LARP4: variants seen among roughly 807,000 people sequenced by gnomAD.
LARP4 encodes the protein la-related protein 4.
A neutral mutation model predicts 92.9 loss-of-function variants in LARP4; 29 were observed. That is an observed-to-expected ratio of 0.31 (90% CI 0.23 to 0.43). The LOEUF is 0.43. Ranked by LOEUF, LARP4 falls within the 20% of genes least tolerant of loss-of-function variation. The pLI, the probability that LARP4 is intolerant of heterozygous loss-of-function variation, is 1.00. For missense variants in LARP4, 732 were observed against 860.0 expected, an observed-to-expected ratio of 0.85 and a Z score of 1.86; for synonymous variants, 279 against 284.1, an observed-to-expected ratio of 0.98 and a Z score of 0.18.
chr12:50,479,177 G>A lies in LARP4; in HGVS notation c.*3313G>A, dbSNP rs1301183097. ...TATGGCCTTAATAATTAGTCTCTTG[G>A]CTTAAATGTCCACTGGTTTTACTTT... On this transcript the variant is annotated 3_prime_UTR_variant, in exon 16 of 16. Transcript: ENST00000398473. The A allele has an allele frequency of 1.3e-5, 2 of 152,476 alleles. No homozygotes were observed. Among genetic ancestry groups the A allele is most frequent in the African/African-American group, 2.4e-5 (1 of 41,412 alleles). The allele number at this position is 152,476 out of a possible 1,614,324, so 9.4% of individuals were successfully genotyped here. A position where few individuals can be genotyped will look rare whatever the true frequency, so the allele number is the denominator to read the frequency against.
At chr12:50,417,439 C>G (rs1307427302) in intron 1 of LARP4, among the ~76,000 whole-genome samples, 2 of 151,952 alleles carry the variant, frequency 1.3e-5, no homozygotes, top group Non-Finnish European at 2.9e-5. Context: ...CTTGATACTT[C>G]TCCTGGTGGG....
intron 1 of LARP4, among the ~76,000 whole-genome samples, chr12:50,427,274 G>A (rs1236749482): frequency 1.3e-5 from 2 of 152,068 alleles, no homozygotes; most frequent in African/African-American, 2.4e-5. Flanking sequence ...ATTTGCTGTA[G>A]ATGAAAAAAT....
At chr12:50,405,656 T>C (rs1944689578) in intron 1 of LARP4, among the ~76,000 whole-genome samples, 1 of 151,968 alleles carries the variant, frequency 6.6e-6, no homozygotes, top group African/African-American at 2.4e-5. Flanking sequence ...AATTTTTGTT[T>C]AAATAAAAAA....
intron 1 of LARP4, among the ~76,000 whole-genome samples, chr12:50,417,038 T>C (rs575751961): frequency 1.3e-5 from 2 of 152,146 alleles, no homozygotes; most frequent in East Asian, 1.9e-4. Flanking sequence ...TTAAAAACTT[T>C]GATGAGATAC....
At chr12:50,436,910 T>C (rs545308420) in intron 5 of LARP4, among the ~76,000 whole-genome samples, 3 of 152,158 alleles carry the variant, frequency 2.0e-5, no homozygotes, top group African/African-American at 7.2e-5. Flanking sequence ...TACAAACATT[T>C]ATGGAACATT....
chr12:50,446,369 C>G (rs1952089001), intron 8 of LARP4, among the ~76,000 whole-genome samples: 3 of 2,664 alleles, frequency 1.1e-3, no homozygotes, highest in Non-Finnish European at 1.3e-3. Flanking sequence ...CTCTCTCTCT[C>G]TCTCTCTCTC....
chr12:50,402,841 C>A, intron 1 of LARP4: 1 of 453,416 alleles, frequency 2.2e-6, no homozygotes, highest in Non-Finnish European at 4.4e-6. Flanking sequence ...GTATCTCTCG[C>A]CAAACTAGTG....
intron 1 of LARP4, among the ~76,000 whole-genome samples, chr12:50,417,824 G>C (rs575902850): frequency 6.6e-6 from 1 of 152,026 alleles, no homozygotes; most frequent in East Asian, 1.9e-4. Context: ...CTCCCAAGTG[G>C]CTGGGACTAC....
At chr12:50,433,854 A>T (rs1419499016) in intron 4 of LARP4, among the ~76,000 whole-genome samples, 2 of 151,988 alleles carry the variant, frequency 1.3e-5, no homozygotes, top group Admixed American at 1.3e-4. Context: ...TGGCTAGGCT[A>T]ATCTCAAACT....
At chr12:50,434,987 G>T (rs1950208652) in intron 4 of LARP4, among the ~76,000 whole-genome samples, 3 of 152,220 alleles carry the variant, frequency 2.0e-5, no homozygotes, top group Non-Finnish European at 4.4e-5. Flanking sequence ...GGCAGAGCTT[G>T]CAGTGAGTCG....
intron 1 of LARP4, among the ~76,000 whole-genome samples, chr12:50,424,959 C>T (rs1453474676): frequency 2.0e-5 from 3 of 151,788 alleles, no homozygotes; most frequent in Admixed American, 1.3e-4. Context: ...CCAACCTGAC[C>T]AACATGGTGA....
intron 13 of LARP4, among the ~76,000 whole-genome samples, chr12:50,471,771 C>CCTCG (rs1446913916): frequency 1.3e-5 from 2 of 152,214 alleles, no homozygotes; most frequent in African/African-American, 4.8e-5. Context: ...GATCCACCCA[C>CCTCG]CTCGGCCTCC....
At chr12:50,456,182 C>T (rs939092842) in intron 10 of LARP4, among the ~76,000 whole-genome samples, 2 of 152,184 alleles carry the variant, frequency 1.3e-5, no homozygotes, top group East Asian at 1.9e-4. Context: ...ACCTTTTATC[C>T]GTTGCATCTT....
At chr12:50,434,464 A>G (rs1025705581) in intron 4 of LARP4, among the ~76,000 whole-genome samples, 6 of 149,692 alleles carry the variant, frequency 4.0e-5, no homozygotes, top group African/African-American at 1.5e-4. Context: ...TGTTGCCCCA[A>G]CTGGAGTGCA....
At position 50,477,565 on chromosome 12, in the gene LARP4, T is replaced by C. The variant is rs1957621919; in HGVS notation, c.*1701T>C. On this transcript the variant is annotated 3_prime_UTR_variant, in exon 16 of 16. Transcript: ENST00000398473. ...CATCTTCCAACTCTAAGTTAAGCTT[T>C]GGAGATACATGTTAGTGGTTAACTG... 2.0e-5 allele frequency: 3 copies of C among 152,682 alleles called. No homozygotes were observed. In the South Asian group the frequency reaches 6.2e-4, roughly 32 times the overall value. The allele number at this position is 152,682 out of a possible 1,614,324, so 9.5% of individuals were successfully genotyped here.
At position 50,447,901 on chromosome 12, in the gene LARP4, C is replaced by T. The variant is rs539231019; in HGVS notation, c.805-5559C>T. Among the ~76,000 whole-genome samples, 26 of 152,062 alleles carry T rather than the reference C, an allele frequency of 1.7e-4. No homozygotes were observed. The East Asian group carries it at 4.3e-3, about 25-fold the overall frequency. On this transcript the variant is annotated intron_variant, in intron 8 of 15. Transcript: ENST00000398473. ...TATTTTTTTTGAGACGGAGTCTTGC[C>T]GTGTTGCCCAGGCTGGACTGCAGTG...
At chr12:50,466,807 T>C (rs984737565) in intron 12 of LARP4, 152 bp from the exon 13 acceptor site, 2 of 602,168 alleles carry the variant, frequency 3.3e-6, no homozygotes, top group Non-Finnish European at 5.6e-6. Flanking sequence ...TCAAGTGAGA[T>C]GTCAAACCAA....
chr12:50,406,486 A>T lies in LARP4; in HGVS notation c.18+5458A>T, dbSNP rs189475610. The stretch of plus-strand genomic sequence containing the variant: ...ACAGAGTGAGACCCTGCCTCAAAAA[A>T]TTTTTTTAAATTATTATTTTATTAT... On this transcript the variant is annotated intron_variant, in intron 1 of 15. Coordinates refer to ENST00000398473, the MANE Select transcript of LARP4 (RefSeq NM_052879.5). Among the ~76,000 whole-genome samples the T allele has an allele frequency of 4.4e-3, 672 of 152,110 alleles. 6 individuals carry two copies. The highest frequency in any genetic ancestry group is 0.015 in the African/African-American group (632 of 41,496).
rs1957665804 is a variant in LARP4 at position 50,478,237 on chromosome 12, CATT to C, written c.*2375_*2377del. 1 of 152,030 alleles carries C rather than the reference CATT, an allele frequency of 6.6e-6. No homozygotes were observed. Among genetic ancestry groups the C allele is most frequent in the African/African-American group, 2.4e-5 (1 of 41,422 alleles). 9.4% of individuals were successfully genotyped at this position (152,030 alleles called of 1,614,324 possible). On this transcript the variant is annotated 3_prime_UTR_variant, in exon 16 of 16. Transcript: ENST00000398473. Reference sequence around the variant, plus strand: ...TAGATATAACCTTTAAAAATTTTCTCATTAAGACAATGTTTTTAATTTAATTTG... The same window carrying C: ...TAGATATAACCTTTAAAAATTTTCTCAAGACAATGTTTTTAATTTAATTTG...
Sources: allele counts gnomAD v4.1 joint callset (sites outside exome capture counted in the v4.1 genomes callset), GRCh38; gene constraint gnomAD v4.1.1; transcripts MANE v1.5; gene names NCBI Gene and HGNC (gene_info 2026-07-23, HGNC 2026-07-21).